PUS7: variants seen among roughly 807,000 people sequenced by gnomAD.
The protein encoded by PUS7 is pseudouridylate synthase 7 homolog.
A neutral mutation model predicts 79.8 loss-of-function variants in PUS7; 48 were observed. The observed-to-expected ratio is 0.60, with a 90% CI of 0.48 to 0.76. PUS7 has a LOEUF of 0.76. Ranked by LOEUF, PUS7 falls within the 30% of genes least tolerant of loss-of-function variation. The pLI is 0.00. For synonymous variants in PUS7, 286 were observed against 272.2 expected (o/e 1.05, Z -0.50); for missense variants, 729 against 797.6 (o/e 0.91, Z 1.04).
At chr7:105,520,747 T>C (rs1826077757) in intron 1 of PUS7, among the ~76,000 whole-genome samples, 1 of 150,374 alleles carries the variant, frequency 6.7e-6, no homozygotes, top group Non-Finnish European at 1.5e-5. Context: ...AAAACAAAGA[T>C]ATGTTCAAGG....
intron 11 of PUS7, among the ~76,000 whole-genome samples, chr7:105,469,354 G>A (rs202104777): frequency 2.0e-5 from 3 of 150,874 alleles, no homozygotes; most frequent in South Asian, 4.2e-4. Flanking sequence ...GCAATGACAC[G>A]ATCTCAGCTC....
intron 9 of PUS7, among the ~76,000 whole-genome samples, chr7:105,476,414 G>C (rs1443881640): frequency 6.6e-6 from 1 of 152,052 alleles, no homozygotes; most frequent in African/African-American, 2.4e-5. Context: ...CTGGAGTGTA[G>C]TGCTACCATC....
chr7:105,487,716 T>C (rs956702870), intron 7 of PUS7, among the ~76,000 whole-genome samples: 4 of 152,176 alleles, frequency 2.6e-5, no homozygotes, highest in Admixed American at 6.5e-5. Context: ...TTAAGCAACA[T>C]GATGCACAGA....
Position 105,496,857 on chromosome 7 carries a change from A to G in PUS7, c.731-1604T>C, listed in dbSNP as rs760025835. 12 of 762,900 alleles carry G rather than the reference A, an allele frequency of 1.6e-5. No homozygotes were observed. The South Asian group carries it at 2.6e-4, about 16-fold the overall frequency. 47.3% of individuals were successfully genotyped at this position (762,900 alleles called of 1,614,324 possible). A position where few individuals can be genotyped will look rare whatever the true frequency, so the allele number is the denominator to read the frequency against. ...GAATATCATTTTCGGTTTTCCTTCC[A>G]GCTCACTATCAGTTAAGCAAAGTTG... On this transcript the variant is annotated intron_variant, in intron 5 of 15. Transcript: ENST00000469408.
intron 1 of PUS7, among the ~76,000 whole-genome samples, chr7:105,519,412 G>T (rs1178242239): frequency 4.6e-5 from 7 of 152,016 alleles, no homozygotes; most frequent in Non-Finnish European, 1.0e-4. Context: ...GCTAATTTTT[G>T]TATTTTTAGT....
chr7:105,497,024 T>C (rs1825064957), intron 5 of PUS7: 2 of 1,152,166 alleles, frequency 1.7e-6, no homozygotes, highest in Admixed American at 2.8e-5. Context: ...TAATTTATAA[T>C]ATTAAAGTGC....
chr7:105,496,710 A>C (rs1303963158), intron 5 of PUS7, among the ~76,000 whole-genome samples: 1 of 152,192 alleles, frequency 6.6e-6, no homozygotes, highest in Non-Finnish European at 1.5e-5. Flanking sequence ...ATGCTTAGTG[A>C]ATCACCCTTC....
At chr7:105,500,918 A>G (rs879918993) in intron 5 of PUS7, among the ~76,000 whole-genome samples, 1 of 152,206 alleles carries the variant, frequency 6.6e-6, no homozygotes, top group Non-Finnish European at 1.5e-5. Context: ...TTGTGGAGTA[A>G]AAAGTAATTC....
At position 105,480,953 on chromosome 7, in the gene PUS7, G is replaced by A. The variant is rs555801891; in HGVS notation, c.1175+99C>T. The A allele has an allele frequency of 4.8e-3, 6,538 of 1,362,346 alleles. 25 individuals carry two copies. The highest frequency in any genetic ancestry group is 0.024 in the Middle Eastern group (124 of 5,080). The allele number at this position is 1,362,346 out of a possible 1,614,324, so 84.4% of individuals were successfully genotyped here. ...ATGAAACTGTGGTTCATTTGCCCCA[G>A]ACATGGGAGAACGTAGAAATAATTA... On this transcript the variant is annotated intron_variant, in intron 9 of 15. Transcript: ENST00000469408.
intron 5 of PUS7, among the ~76,000 whole-genome samples, chr7:105,497,889 C>A (rs1375565468): frequency 6.6e-6 from 1 of 152,132 alleles, no homozygotes; most frequent in East Asian, 1.9e-4. Context: ...TATTTGACTG[C>A]AAGTTTGAAA....
At chr7:105,516,050 C>T (rs1825882355) in intron 1 of PUS7, among the ~76,000 whole-genome samples, 1 of 151,840 alleles carries the variant, frequency 6.6e-6, no homozygotes, top group Non-Finnish European at 1.5e-5. Context: ...ACCTGGTGAT[C>T]CGCCCACCTC....
intron 7 of PUS7, among the ~76,000 whole-genome samples, chr7:105,486,263 G>T (rs1487214485): frequency 6.6e-6 from 1 of 151,508 alleles, no homozygotes; most frequent in African/African-American, 2.4e-5. Flanking sequence ...ATGTTGGCAA[G>T]GCTGGTCTGG....
chr7:105,518,469 C>T lies in PUS7; in HGVS notation c.-33+3583G>A, dbSNP rs186803869. Among the ~76,000 whole-genome samples, 4 of 152,100 alleles carry T rather than the reference C, an allele frequency of 2.6e-5. No homozygotes were observed. In the East Asian group the frequency reaches 7.8e-4, roughly 30 times the overall value. On this transcript the variant is annotated intron_variant, in intron 1 of 15. Coordinates refer to ENST00000469408, the MANE Select transcript of PUS7 (RefSeq NM_019042.5). ...CCAGGCTGGAGTGCAGTGGCGTGATCTCAGTTCAATGCAGCCTCGACCTCC... is the reference window on the plus strand; with the variant it reads ...CCAGGCTGGAGTGCAGTGGCGTGATTTCAGTTCAATGCAGCCTCGACCTCC...
At chr7:105,497,100 T>C (rs1006964073) in intron 5 of PUS7, 2 of 527,970 alleles carry the variant, frequency 3.8e-6, no homozygotes, top group Non-Finnish European at 5.1e-6. Flanking sequence ...CAGCACCCGG[T>C]AGTTATGCGG....
intron 1 of PUS7, among the ~76,000 whole-genome samples, chr7:105,513,496 T>C (rs73190158): frequency 0.14 from 20,904 of 152,248 alleles, 1,865 homozygotes; most frequent in South Asian, 0.26. Context: ...CTGTAATAGC[T>C]CCTCTTATTC....
intron 6 of PUS7, 37 bp from the exon 7 acceptor site, chr7:105,491,654 A>G: frequency 8.5e-7 from 1 of 1,178,596 alleles, no homozygotes; most frequent in Middle Eastern, 1.9e-4. Flanking sequence ...GAAGTCACAT[A>G]CTGTAATATT....
chr7:105,487,785 G>C (rs1404805833), intron 7 of PUS7, among the ~76,000 whole-genome samples: 1 of 152,178 alleles, frequency 6.6e-6, no homozygotes, highest in Non-Finnish European at 1.5e-5. Flanking sequence ...GAGACTGGCA[G>C]GAACAGGCAG....
At chr7:105,486,165 C>T (rs1411449860) in intron 7 of PUS7, among the ~76,000 whole-genome samples, 3 of 151,990 alleles carry the variant, frequency 2.0e-5, no homozygotes, top group Non-Finnish European at 1.5e-5. Flanking sequence ...AATTCTTCTG[C>T]CCCCAGCCTC....
Position 105,465,313 on chromosome 7 carries a change from T to G in PUS7, c.1627A>C (p.Ile543Leu), listed in dbSNP as rs762112478. The change falls in exon 13 of 16, where the codon ATT (isoleucine) becomes CTT (leucine). Residue 543 changes from isoleucine (I) to leucine (L), a missense_variant and splice_region_variant. Ile to Leu is a conservative substitution (Grantham distance 5, BLOSUM62 2). Transcript: ENST00000469408. Reference sequence around the variant, plus strand: ...TATTTTCCCCATACAGGGAACTTACTTTTATGCTTTGGGTAGATAACATCG... The same window carrying G: ...TATTTTCCCCATACAGGGAACTTACGTTTATGCTTTGGGTAGATAACATCG... ...GFDVIYPKHK[I>L]QEAYREMLTA... is the part of the protein sequence containing the mutation. 6.2e-7 allele frequency: 1 copy of G among 1,600,698 alleles called. No individual in the cohort carries two copies. The highest frequency in any genetic ancestry group is 8.6e-7 in the Non-Finnish European group (1 of 1,168,662).
Sources: allele counts gnomAD v4.1 joint callset (sites outside exome capture counted in the v4.1 genomes callset), GRCh38; gene constraint gnomAD v4.1.1; transcripts MANE v1.5; gene names NCBI Gene and HGNC (gene_info 2026-07-23, HGNC 2026-07-21).